Variants in CLSTN2 observed in about 807,000 individuals in gnomAD.
The protein encoded by CLSTN2 is calsyntenin 2, also known as calsyntenin-2.
A neutral mutation model predicts 101.2 loss-of-function variants in CLSTN2; 48 were observed. That is an observed-to-expected ratio of 0.47 (90% CI 0.38 to 0.60). The LOEUF is 0.60. CLSTN2 is among the 20% of genes least tolerant of loss of function. The pLI, the probability that CLSTN2 is intolerant of heterozygous loss-of-function variation, is 0.00. For missense variants in CLSTN2, 1,160 were observed against 1,238.2 expected (o/e 0.94, Z 0.95); for synonymous variants, 481 against 463.6 (o/e 1.04, Z -0.48).
chr3:140,301,562 A>G (rs1396439729), intron 2 of CLSTN2, among the ~76,000 whole-genome samples: 2 of 152,260 alleles, frequency 1.3e-5, no homozygotes, highest in Non-Finnish European at 2.9e-5. Context: ...AAAACAAGTG[A>G]AAACAGCAAA....
chr3:140,115,344 C>G (rs2009223495), intron 1 of CLSTN2, among the ~76,000 whole-genome samples: 1 of 151,312 alleles, frequency 6.6e-6, no homozygotes, highest in Non-Finnish European at 1.5e-5. Flanking sequence ...TTACAGTGTT[C>G]AAAGATATAA....
At chr3:140,405,195 A>G (rs986844058) in intron 4 of CLSTN2, among the ~76,000 whole-genome samples, 5 of 151,592 alleles carry the variant, frequency 3.3e-5, no homozygotes, top group African/African-American at 7.3e-5. Flanking sequence ...AGGAGGTGGG[A>G]CTTTTGAAAT....
At chr3:140,046,655 T>C (rs1279197355) in intron 1 of CLSTN2, among the ~76,000 whole-genome samples, 1 of 152,198 alleles carries the variant, frequency 6.6e-6, no homozygotes, top group African/African-American at 2.4e-5. Flanking sequence ...CTGGTACCGG[T>C]TGTTCCTTTC....
chr3:140,462,186 A>G (rs1489595240), intron 7 of CLSTN2, among the ~76,000 whole-genome samples: 1 of 150,440 alleles, frequency 6.6e-6, no homozygotes, highest in African/African-American at 2.4e-5. Flanking sequence ...AACTTTTATA[A>G]TATCTGTGAT....
rs6778893 is a variant in CLSTN2, at chr3:140,252,984, T to C, written c.232+76911T>C. Among the ~76,000 whole-genome samples, 1,078 of 152,220 alleles carry C rather than the reference T, an allele frequency of 7.1e-3. 13 individuals are homozygous for C. Among genetic ancestry groups the C allele is most frequent in the African/African-American group, 0.02 (812 of 41,528 alleles). The stretch of plus-strand genomic sequence containing the variant: ...AGCTAAGTTAATGCCAATCTCTGGA[T>C]AGCCCCACCCCTCCCCACCACGCTA... On this transcript the variant is annotated intron_variant, in intron 2 of 16. Coordinates refer to ENST00000458420, the MANE Select transcript of CLSTN2 (RefSeq NM_022131.3).
At chr3:140,291,751 G>A (rs771724178) in intron 2 of CLSTN2, among the ~76,000 whole-genome samples, 11 of 151,860 alleles carry the variant, frequency 7.2e-5, no homozygotes, top group Admixed American at 1.3e-4. Flanking sequence ...GAACTTTGCC[G>A]CCTCCTCACA....
chr3:140,153,970 C>T (rs1428415308), intron 1 of CLSTN2, among the ~76,000 whole-genome samples: 1 of 152,188 alleles, frequency 6.6e-6, no homozygotes, highest in African/African-American at 2.4e-5. Flanking sequence ...TTATTGATAG[C>T]TGCCATTTCC....
intron 2 of CLSTN2, among the ~76,000 whole-genome samples, chr3:140,341,896 G>A (rs1201029158): frequency 6.6e-6 from 1 of 152,190 alleles, no homozygotes; most frequent in African/African-American, 2.4e-5. Context: ...CCTCCAGAGT[G>A]AGTCTGACAG....
chr3:140,106,535 C>T (rs1190708790), intron 1 of CLSTN2, among the ~76,000 whole-genome samples: 1 of 152,144 alleles, frequency 6.6e-6, no homozygotes, highest in Non-Finnish European at 1.5e-5. Flanking sequence ...TGTGGGTGAG[C>T]ACTGCTCACA....
intron 5 of CLSTN2, among the ~76,000 whole-genome samples, chr3:140,439,563 A>G (rs1445324272): frequency 2.0e-5 from 3 of 152,254 alleles, no homozygotes. Context: ...CTTTCATTTG[A>G]CATTTATTGA....
chr3:140,561,900 C>T (rs542383659), intron 12 of CLSTN2, among the ~76,000 whole-genome samples: 1 of 152,286 alleles, frequency 6.6e-6, no homozygotes, highest in Non-Finnish European at 1.5e-5. Context: ...CAAATCACAC[C>T]TTTTGGCTAC....
intron 1 of CLSTN2, among the ~76,000 whole-genome samples, chr3:140,041,982 A>C (rs1325174333): frequency 6.6e-6 from 1 of 152,166 alleles, no homozygotes; most frequent in Non-Finnish European, 1.5e-5. Flanking sequence ...TTTCATACAT[A>C]ATGGCTGTAT....
chr3:140,518,045 T>C (rs1377771277), intron 8 of CLSTN2, among the ~76,000 whole-genome samples: 1 of 151,980 alleles, frequency 6.6e-6, no homozygotes, highest in Non-Finnish European at 1.5e-5. Context: ...TATGACTGTC[T>C]CTCCTGTGTC....
intron 8 of CLSTN2, among the ~76,000 whole-genome samples, chr3:140,477,997 C>T (rs552960452): frequency 2.2e-4 from 34 of 152,200 alleles, no homozygotes; most frequent in Non-Finnish European, 4.1e-4. Context: ...TTCAGGAATA[C>T]TTTCCTGTAA....
chr3:140,299,575 C>A (rs1432289296), intron 2 of CLSTN2, among the ~76,000 whole-genome samples: 2 of 151,998 alleles, frequency 1.3e-5, no homozygotes, highest in African/African-American at 2.4e-5. Context: ...GTGTATCAGT[C>A]CTCATCCTGT....
chr3:140,555,132 G>GC (rs1335562617), intron 10 of CLSTN2, among the ~76,000 whole-genome samples: 1 of 152,206 alleles, frequency 6.6e-6, no homozygotes, highest in Admixed American at 6.5e-5. Flanking sequence ...CGATGGACTA[G>GC]CCCCTAAAGG....
At chr3:140,455,303 T>G (rs1234799251) in intron 6 of CLSTN2, among the ~76,000 whole-genome samples, 1 of 152,228 alleles carries the variant, frequency 6.6e-6, no homozygotes, top group African/African-American at 2.4e-5. Flanking sequence ...TGGCCCCATG[T>G]CAGTCACTCT....
intron 1 of CLSTN2, among the ~76,000 whole-genome samples, chr3:139,957,684 A>G (rs943416297): frequency 1.3e-5 from 2 of 152,094 alleles, no homozygotes; most frequent in Non-Finnish European, 2.9e-5. Context: ...TTACAGGGGT[A>G]ATGAGGGTTT....
At chr3:140,285,920 C>A (rs2086891692) in intron 2 of CLSTN2, among the ~76,000 whole-genome samples, 1 of 152,142 alleles carries the variant, frequency 6.6e-6, no homozygotes, top group Admixed American at 6.5e-5. Flanking sequence ...CAAGAGTCAT[C>A]CAATACCATG....
Sources: gnomAD v4.1 joint callset for allele counts (sites outside exome capture counted in the v4.1 genomes callset) on GRCh38, gnomAD v4.1.1 for gene constraint, MANE v1.5 for transcripts, NCBI Gene and HGNC (gene_info 2026-07-23, HGNC 2026-07-21) for gene names.